Variants in C8orf34 observed in about 807,000 individuals in gnomAD.
C8orf34 encodes the protein uncharacterized protein C8orf34.
A neutral mutation model predicts 68.3 loss-of-function variants in C8orf34; 65 were observed. The observed-to-expected ratio is 0.95, with a 90% CI of 0.78 to 1.17. C8orf34 has a LOEUF of 1.17. Among genes scored for constraint, C8orf34 ranks in the 50% most tolerant of loss-of-function variants. The pLI is 0.00. For synonymous variants in C8orf34, 244 were observed against 241.2 expected (o/e 1.01, Z -0.11); for missense variants, 664 against 655.4 (o/e 1.01, Z -0.14).
intron 1 of C8orf34, among the ~76,000 whole-genome samples, chr8:68,416,629 T>C (rs1432010255): frequency 6.6e-6 from 1 of 151,972 alleles, no homozygotes; most frequent in Non-Finnish European, 1.5e-5. Context: ...CCTACCAGGT[T>C]TGAGTGATTC....
chr8:68,729,174 G>T (rs1821914109), intron 10 of C8orf34, among the ~76,000 whole-genome samples: 1 of 152,160 alleles, frequency 6.6e-6, no homozygotes, highest in Non-Finnish European at 1.5e-5. Flanking sequence ...TTACAAGAAA[G>T]AATTAGATAA....
chr8:68,782,344 T>G (rs1823700982), intron 11 of C8orf34, among the ~76,000 whole-genome samples: 1 of 152,054 alleles, frequency 6.6e-6, no homozygotes, highest in African/African-American at 2.4e-5. Flanking sequence ...TCAAATTTAA[T>G]AATTCATAAA....
At chr8:68,380,716 C>A (rs1277617648) in intron 1 of C8orf34, among the ~76,000 whole-genome samples, 2 of 152,182 alleles carry the variant, frequency 1.3e-5, no homozygotes, top group Non-Finnish European at 2.9e-5. Context: ...ATACATAAGA[C>A]AATGATGAGC....
At chr8:68,392,919 T>C (rs1470980623) in intron 1 of C8orf34, among the ~76,000 whole-genome samples, 4 of 152,172 alleles carry the variant, frequency 2.6e-5, no homozygotes, top group Non-Finnish European at 5.9e-5. Context: ...CCTAATGGAA[T>C]GTATTAGAAA....
intron 7 of C8orf34, among the ~76,000 whole-genome samples, chr8:68,539,480 A>G (rs1379865106): frequency 1.3e-5 from 2 of 152,212 alleles, no homozygotes; most frequent in East Asian, 1.9e-4. Flanking sequence ...ATGTATAACT[A>G]TAGGAATCCA....
chr8:68,760,639 G>T (rs78256070), intron 10 of C8orf34, among the ~76,000 whole-genome samples: 6 of 152,104 alleles, frequency 3.9e-5, no homozygotes, highest in African/African-American at 7.2e-5. Flanking sequence ...GCCTAACAAA[G>T]GATTTCATAA....
chr8:68,487,913 A>G, intron 4 of C8orf34, 110 bp from the exon 5 acceptor site: 2 of 674,178 alleles, frequency 3.0e-6, no homozygotes, highest in Middle Eastern at 3.3e-4. Flanking sequence ...AAAAGAAAAC[A>G]AATAGAATAG....
At position 68,521,956 on chromosome 8, in the gene C8orf34, C is replaced by G. The variant is rs750592151; in HGVS notation, c.923C>G (p.Ser308Cys). ...NDQWESEDSG[S>C]SPAGSLKMEP... ...CAATGGGAAAGTGAAGATAGTGGCTCTAGTCCTGCAGGAAGGTGAGATGAG... is the reference window on the plus strand; with the variant it reads ...CAATGGGAAAGTGAAGATAGTGGCTGTAGTCCTGCAGGAAGGTGAGATGAG... Residue 308 changes from serine (S) to cysteine (C), a missense_variant, in exon 6 of 14, where the codon TCT becomes TGT. By Grantham distance (112) the Ser-to-Cys change is moderately radical (BLOSUM62 -1). Transcript: ENST00000518698. The G allele has an allele frequency of 6.2e-6, 10 of 1,613,932 alleles. No homozygotes were observed. The highest frequency in any genetic ancestry group is 5.5e-5 in the South Asian group (5 of 91,070).
In C8orf34 at chr8:68,482,740, C is replaced by T. The variant is rs182980469; in HGVS notation, c.737-5283C>T. On this transcript the variant is annotated intron_variant, in intron 4 of 13. Coordinates refer to ENST00000518698, the MANE Select transcript of C8orf34 (RefSeq NM_052958.4). Reference sequence around the variant, plus strand: ...CCTGATTTTCAGCATTTGTCAATTTCCATGATGTAAATATTCCCACTATGG... The same window carrying T: ...CCTGATTTTCAGCATTTGTCAATTTTCATGATGTAAATATTCCCACTATGG... 7.7e-4 allele frequency among the ~76,000 whole-genome samples: 117 copies of T among 152,280 alleles called. 4 individuals carry two copies. In the East Asian group the frequency reaches 0.016, roughly 21 times the overall value.
chr8:68,721,405 G>A lies in C8orf34; in HGVS notation c.1372G>A (p.Glu458Lys), dbSNP rs771361055. 1.9e-5 allele frequency: 30 copies of A among 1,609,126 alleles called. No homozygotes were observed. The highest frequency in any genetic ancestry group is 2.1e-5 in the Non-Finnish European group (25 of 1,176,918). The change falls in exon 10 of 14, where the codon GAA becomes AAA. Residue 458 changes from glutamate to lysine, a missense_variant. Transcript: ENST00000518698. ...TEEALMEEGD[E>K]FEKASKLTGP... ...AGAAGCACTAATGGAGGAGGGTGAC[G>A]AATTTGAGAAAGCATCTAAACTAAC...
At chr8:68,361,683 G>A (rs1262148540) in intron 1 of C8orf34, among the ~76,000 whole-genome samples, 1 of 152,138 alleles carries the variant, frequency 6.6e-6, no homozygotes, top group Non-Finnish European at 1.5e-5. Context: ...TCTGGGTTAT[G>A]GATTGTCTTT....
chr8:68,470,881 A>G (rs564104507), intron 4 of C8orf34, among the ~76,000 whole-genome samples: 1 of 152,230 alleles, frequency 6.6e-6, no homozygotes, highest in African/African-American at 2.4e-5. Flanking sequence ...ATTGCGGATT[A>G]GAGTTTAGCT....
At chr8:68,708,350 A>G (rs1412610913) in intron 8 of C8orf34, among the ~76,000 whole-genome samples, 2 of 152,254 alleles carry the variant, frequency 1.3e-5, no homozygotes, top group African/African-American at 4.8e-5. Context: ...AAGCAAAGAC[A>G]TAAAATGGCT....
At chr8:68,785,033 T>C (rs1186793043) in intron 11 of C8orf34, among the ~76,000 whole-genome samples, 2 of 151,556 alleles carry the variant, frequency 1.3e-5, no homozygotes. Context: ...GGTGCCAGAG[T>C]AGAGAAACAT....
Position 68,505,648 on chromosome 8 carries a change from G to A in C8orf34, c.766-16151G>A, listed in dbSNP as rs1003726901. 2.7e-5 allele frequency among the ~76,000 whole-genome samples: 3 copies of A among 112,024 alleles called. 1 individual carries two copies. Among genetic ancestry groups the A allele is most frequent in the South Asian group, 2.5e-4 (1 of 4,030 alleles). 73.5% of individuals were successfully genotyped at this position (112,024 alleles called of 152,430 possible). ...CGGGAGGCTGAGGCAGGAGAATGGC[G>A]TGAACCCGGGAAGCGGAGCTTGCCG... On this transcript the variant is annotated intron_variant, in intron 5 of 13. Coordinates refer to ENST00000518698, the MANE Select transcript of C8orf34 (RefSeq NM_052958.4).
chr8:68,702,894 T>C (rs973910516), intron 8 of C8orf34, among the ~76,000 whole-genome samples: 3 of 152,162 alleles, frequency 2.0e-5, no homozygotes, highest in African/African-American at 4.8e-5. Context: ...TGTGAGTGTA[T>C]CTTTACTGAT....
chr8:68,597,763 A>AT (rs1817589537), intron 7 of C8orf34, among the ~76,000 whole-genome samples: 1 of 152,192 alleles, frequency 6.6e-6, no homozygotes. Context: ...TTAAAGTAAT[A>AT]TAACTACTAG....
chr8:68,572,617 T>C (rs1393490194), intron 7 of C8orf34, among the ~76,000 whole-genome samples: 1 of 152,104 alleles, frequency 6.6e-6, no homozygotes, highest in Non-Finnish European at 1.5e-5. Context: ...TTTTTGTTTC[T>C]TATAAAGTTT....
chr8:68,343,223 A>G (rs965851385), intron 1 of C8orf34, among the ~76,000 whole-genome samples: 53 of 152,184 alleles, frequency 3.5e-4, no homozygotes, highest in Admixed American at 5.2e-4. Context: ...GTTCAAAACC[A>G]TTTGCTATTA....
Sources: gnomAD v4.1 joint callset for allele counts (sites outside exome capture counted in the v4.1 genomes callset) on GRCh38, gnomAD v4.1.1 for gene constraint, MANE v1.5 for transcripts, NCBI Gene and HGNC (gene_info 2026-07-23, HGNC 2026-07-21) for gene names.